Variants in KCNIP4 observed in about 807,000 individuals in gnomAD.
The protein encoded by KCNIP4 is Kv channel-interacting protein 4.
A neutral mutation model predicts 34.0 loss-of-function variants in KCNIP4; 12 were observed. That is an observed-to-expected ratio of 0.35 (90% CI 0.23 to 0.57). KCNIP4 has a LOEUF of 0.57. Among genes scored for constraint, KCNIP4 ranks in the 20% least tolerant of loss-of-function variants. The pLI, the probability that KCNIP4 is intolerant of heterozygous loss-of-function variation, is 0.83. For missense variants in KCNIP4, 238 were observed against 311.7 expected, an observed-to-expected ratio of 0.76 and a Z score of 1.78; for synonymous variants, 124 against 102.2, an observed-to-expected ratio of 1.21 and a Z score of -1.29.
At chr4:20,937,207 G>A (rs1456777172) in intron 1 of KCNIP4, among the ~76,000 whole-genome samples, 6 of 143,154 alleles carry the variant, frequency 4.2e-5, no homozygotes, top group Non-Finnish European at 7.7e-5. Context: ...TGAGCAAAAG[G>A]TGCCCCCAAG....
At chr4:21,602,950 T>C (rs1342529065) in intron 1 of KCNIP4, among the ~76,000 whole-genome samples, 3 of 152,212 alleles carry the variant, frequency 2.0e-5, no homozygotes, top group African/African-American at 7.2e-5. Flanking sequence ...TCCATGTTTA[T>C]ATACATTCCT....
At chr4:21,062,895 C>T (rs1487686378) in intron 1 of KCNIP4, among the ~76,000 whole-genome samples, 1 of 152,158 alleles carries the variant, frequency 6.6e-6, no homozygotes, top group African/African-American at 2.4e-5. Flanking sequence ...ATCTGTTTTG[C>T]TCAGCCTACT....
chr4:21,006,591 A>G (rs1738574330), intron 1 of KCNIP4, among the ~76,000 whole-genome samples: 1 of 152,240 alleles, frequency 6.6e-6, no homozygotes, highest in Non-Finnish European at 1.5e-5. Context: ...ATCAAGAGCT[A>G]TAATGGAGAT....
At chr4:21,506,816 G>A (rs1399837772) in intron 1 of KCNIP4, among the ~76,000 whole-genome samples, 1 of 151,908 alleles carries the variant, frequency 6.6e-6, no homozygotes, top group Admixed American at 6.6e-5. Context: ...TTTTGAGACA[G>A]AGTCTCTCTC....
At chr4:21,680,425 G>A (rs1471524079) in intron 1 of KCNIP4, among the ~76,000 whole-genome samples, 3 of 152,140 alleles carry the variant, frequency 2.0e-5, no homozygotes, top group Non-Finnish European at 2.9e-5. Context: ...ACCCATGAAT[G>A]TTAGAATGAA....
intron 1 of KCNIP4, among the ~76,000 whole-genome samples, chr4:21,736,655 G>T (rs1263044564): frequency 1.3e-5 from 2 of 152,164 alleles, no homozygotes; most frequent in African/African-American, 4.8e-5. Context: ...GAAGACTCAA[G>T]TCACATCAGT....
At chr4:21,142,639 C>T (rs930957343) in intron 1 of KCNIP4, among the ~76,000 whole-genome samples, 3 of 152,122 alleles carry the variant, frequency 2.0e-5, no homozygotes, top group African/African-American at 7.2e-5. Flanking sequence ...TTGCTATCTT[C>T]CTATGTGTCT....
chr4:20,808,081 A>G (rs1863632), intron 3 of KCNIP4, among the ~76,000 whole-genome samples: 66,060 of 152,004 alleles, frequency 0.43, 14,816 homozygotes, highest in Admixed American at 0.54. Flanking sequence ...GACTCTGGAC[A>G]TATGAAGAAA....
At chr4:21,729,819 G>A (rs1346378796) in intron 1 of KCNIP4, 5 of 152,026 alleles carry the variant, frequency 3.3e-5, no homozygotes, top group African/African-American at 1.2e-4. Flanking sequence ...AAACATAAAA[G>A]TATTTTATAA....
intron 5 of KCNIP4, among the ~76,000 whole-genome samples, chr4:20,742,689 A>C (rs546420878): frequency 6.6e-6 from 1 of 152,258 alleles, no homozygotes; most frequent in South Asian, 2.1e-4. Flanking sequence ...ACTCCTATTC[A>C]ACATAGTGTT....
chr4:20,984,753 A>G (rs1300541151), intron 1 of KCNIP4, among the ~76,000 whole-genome samples: 1 of 152,194 alleles, frequency 6.6e-6, no homozygotes, highest in African/African-American at 2.4e-5. Flanking sequence ...GTAACAACTA[A>G]GATGTTCATA....
chr4:21,102,001 G>A (rs755868486), intron 1 of KCNIP4, among the ~76,000 whole-genome samples: 24 of 152,200 alleles, frequency 1.6e-4, no homozygotes, highest in Non-Finnish European at 2.9e-4. Flanking sequence ...GGGTCAGGAG[G>A]CCCAAGTGTA....
intron 1 of KCNIP4, among the ~76,000 whole-genome samples, chr4:21,300,955 A>C (rs901643171): frequency 1.3e-5 from 2 of 152,180 alleles, no homozygotes; most frequent in Non-Finnish European, 2.9e-5. Context: ...AAGGTTAGAG[A>C]AAGCAAGAGA....
intron 1 of KCNIP4, among the ~76,000 whole-genome samples, chr4:21,726,858 A>T (rs547331252): frequency 6.6e-6 from 1 of 152,286 alleles, no homozygotes; most frequent in African/African-American, 2.4e-5. Flanking sequence ...ATCATACATA[A>T]GAACATAGCT....
rs56928983 is a variant in KCNIP4, at chr4:21,899,207, C to T, written c.61+49364G>A. ...ATCCAAATGATTATTTTGACAGATT[C>T]CAAAAAAGGCATTTGATACAATCAA... On this transcript the variant is annotated intron_variant, in intron 1 of 8. Coordinates refer to ENST00000382152, the MANE Select transcript of KCNIP4 (RefSeq NM_025221.6). Among the ~76,000 whole-genome samples the T allele has an allele frequency of 4.6e-5, 7 of 152,010 alleles. No individual in the cohort carries two copies. The East Asian group carries it at 1.4e-3, about 30-fold the overall frequency.
At position 21,029,396 on chromosome 4, in the gene KCNIP4, T is replaced by C. The variant is rs992917204; in HGVS notation, c.62-146687A>G. 4.6e-5 allele frequency among the ~76,000 whole-genome samples: 7 copies of C among 152,352 alleles called. No homozygotes were observed. In the East Asian group the frequency reaches 1.4e-3, roughly 29 times the overall value. On this transcript the variant is annotated intron_variant, in intron 1 of 8. Transcript: ENST00000382152. ...TATCTGAAACATGTAGGACACTTTCTATGATGTACTAACAGTGCAGTAATT... is the reference window on the plus strand; with the variant it reads ...TATCTGAAACATGTAGGACACTTTCCATGATGTACTAACAGTGCAGTAATT...
chr4:21,248,193 C>A (rs919803464), intron 1 of KCNIP4, among the ~76,000 whole-genome samples: 1 of 151,658 alleles, frequency 6.6e-6, no homozygotes, highest in Non-Finnish European at 1.5e-5. Context: ...CTCAGGCGTA[C>A]CTCTCTCTTG....
chr4:21,187,557 C>A (rs16870566), intron 1 of KCNIP4, among the ~76,000 whole-genome samples: 2,897 of 152,166 alleles, frequency 0.019, 58 homozygotes, highest in Non-Finnish European at 0.026. Flanking sequence ...GAGGGAAATG[C>A]GTGAAAAGGT....
intron 1 of KCNIP4, among the ~76,000 whole-genome samples, chr4:21,534,947 G>A (rs976166824): frequency 6.6e-6 from 1 of 152,008 alleles, no homozygotes; most frequent in Non-Finnish European, 1.5e-5. Context: ...TCAAACTCAG[G>A]CATTCAATGC....
Sources: allele counts gnomAD v4.1 joint callset (sites outside exome capture counted in the v4.1 genomes callset), GRCh38; gene constraint gnomAD v4.1.1; transcripts MANE v1.5; gene names NCBI Gene and HGNC (gene_info 2026-07-23, HGNC 2026-07-21).